GALNTL6: variants seen among roughly 807,000 people sequenced by gnomAD.
GALNTL6 encodes the protein polypeptide N-acetylgalactosaminyltransferase like 6, also known as polypeptide N-acetylgalactosaminyltransferase-like 6.
GALNTL6 carries 46 observed loss-of-function variants against 73.7 expected under a neutral mutation model. The observed-to-expected ratio is 0.62, with a 90% CI of 0.49 to 0.80. The LOEUF is 0.80. Among genes scored for constraint, GALNTL6 ranks in the 30% least tolerant of loss-of-function variants. The pLI is 0.00. For missense variants in GALNTL6, 604 were observed against 755.0 expected (o/e 0.80, Z 2.34); for synonymous variants, 259 against 263.7 (o/e 0.98, Z 0.17).
chr4:172,357,112 A>G (rs1367068969), intron 5 of GALNTL6, among the ~76,000 whole-genome samples: 3 of 152,142 alleles, frequency 2.0e-5, no homozygotes, highest in Admixed American at 6.5e-5. Context: ...CAGTCTCCAT[A>G]ATGGCCTTCC....
Position 172,638,986 on chromosome 4 carries a change from T to G in GALNTL6, c.554-170375T>G, listed in dbSNP as rs185794597. Among the ~76,000 whole-genome samples, 9 of 152,214 alleles carry G rather than the reference T, an allele frequency of 5.9e-5. 1 individual carries two copies. Among genetic ancestry groups the G allele is most frequent in the Admixed American group, 2.0e-4 (3 of 15,264 alleles). Reference sequence around the variant, plus strand: ...ATTTTTCAAAATAATACCACAGAAGTGGCGCGCCCTTCTCAATGCATCATA... The same window carrying G: ...ATTTTTCAAAATAATACCACAGAAGGGGCGCGCCCTTCTCAATGCATCATA... On this transcript the variant is annotated intron_variant, in intron 5 of 12. Transcript: ENST00000506823.
intron 5 of GALNTL6, among the ~76,000 whole-genome samples, chr4:172,362,497 T>C (rs1197656386): frequency 6.6e-6 from 1 of 152,120 alleles, no homozygotes; most frequent in Non-Finnish European, 1.5e-5. Flanking sequence ...CTATGGGCTT[T>C]TCCTTGGGCT....
At chr4:172,452,838 T>C (rs1244871579) in intron 5 of GALNTL6, among the ~76,000 whole-genome samples, 1 of 152,190 alleles carries the variant, frequency 6.6e-6, no homozygotes, top group Non-Finnish European at 1.5e-5. Flanking sequence ...CAAAACATTC[T>C]GGAAGAAAAA....
At chr4:172,061,248 T>A (rs1328706060) in intron 2 of GALNTL6, among the ~76,000 whole-genome samples, 3 of 152,088 alleles carry the variant, frequency 2.0e-5, no homozygotes, top group Non-Finnish European at 4.4e-5. Context: ...TCACCTCCTT[T>A]CAATCTGACT....
intron 2 of GALNTL6, among the ~76,000 whole-genome samples, chr4:171,818,014 T>A (rs983626239): frequency 1.3e-5 from 2 of 151,670 alleles, no homozygotes; most frequent in African/African-American, 2.4e-5. Context: ...ATCTCCTTTA[T>A]GTCATTTAGA....
At chr4:172,174,751 G>T (rs1734938993) in intron 2 of GALNTL6, among the ~76,000 whole-genome samples, 1 of 152,070 alleles carries the variant, frequency 6.6e-6, no homozygotes, top group African/African-American at 2.4e-5. Context: ...TTAAACTAAG[G>T]AGACAGAGTT....
chr4:172,615,270 C>G (rs750956739), intron 5 of GALNTL6, among the ~76,000 whole-genome samples: 27 of 151,028 alleles, frequency 1.8e-4, no homozygotes, highest in Non-Finnish European at 3.1e-4. Flanking sequence ...GAAACATGCT[C>G]CTGTTCTTTT....
chr4:172,623,466 A>G (rs1336132493), intron 5 of GALNTL6, among the ~76,000 whole-genome samples: 1 of 152,124 alleles, frequency 6.6e-6, no homozygotes, highest in Non-Finnish European at 1.5e-5. Flanking sequence ...ATAAAATAGA[A>G]ACTATCCAAA....
chr4:171,850,944 A>T (rs1735507915), intron 2 of GALNTL6, among the ~76,000 whole-genome samples: 1 of 152,096 alleles, frequency 6.6e-6, no homozygotes, highest in South Asian at 2.1e-4. Context: ...TAATTAGAGG[A>T]TATTATCCTA....
At chr4:172,576,250 G>A (rs1038279251) in intron 5 of GALNTL6, among the ~76,000 whole-genome samples, 13 of 152,238 alleles carry the variant, frequency 8.5e-5, no homozygotes, top group Admixed American at 8.5e-4. Context: ...ATGGGACCAG[G>A]AACCGGGGGA....
At chr4:172,335,201 T>C (rs1202768565) in intron 4 of GALNTL6, among the ~76,000 whole-genome samples, 1 of 152,092 alleles carries the variant, frequency 6.6e-6, no homozygotes, top group Non-Finnish European at 1.5e-5. Flanking sequence ...CCACCAATCA[T>C]ATGACTTTTG....
At chr4:173,034,086 C>A (rs1435315094) in intron 12 of GALNTL6, among the ~76,000 whole-genome samples, 1 of 152,174 alleles carries the variant, frequency 6.6e-6, no homozygotes, top group Non-Finnish European at 1.5e-5. Flanking sequence ...ACATCCACCT[C>A]CTCCCTCTAC....
At position 171,814,520 on chromosome 4, in the gene GALNTL6, A is replaced by C; in HGVS notation, c.-61A>C. The C allele has an allele frequency of 6.3e-7, 1 of 1,580,038 alleles. No individual in the cohort carries two copies. The highest frequency in any genetic ancestry group is 1.4e-5 in the African/African-American group (1 of 73,446). ...GGGGAGAGGAAAGGAATTTGACATT[A>C]AACACAAGAAGCAGTCAGGGAGCCA... is the stretch of plus-strand genomic sequence containing the variant. On this transcript the variant is annotated 5_prime_UTR_variant, in exon 2 of 13. Coordinates refer to ENST00000506823, the MANE Select transcript of GALNTL6 (RefSeq NM_001034845.3).
chr4:172,513,835 G>A (rs185741908), intron 5 of GALNTL6, among the ~76,000 whole-genome samples: 1 of 152,190 alleles, frequency 6.6e-6, no homozygotes, highest in Non-Finnish European at 1.5e-5. Context: ...GGTGGACTCT[G>A]TGTGGGACCT....
intron 10 of GALNTL6, among the ~76,000 whole-genome samples, chr4:172,962,258 G>GTA (rs956605794): frequency 2.0e-5 from 3 of 152,220 alleles, no homozygotes; most frequent in Admixed American, 6.5e-5. Context: ...ATCTGGATGT[G>GTA]TACGTGCAGG....
intron 7 of GALNTL6, among the ~76,000 whole-genome samples, chr4:172,854,917 TAAAATAACAGTAGGTGGC>T (rs1358948600): frequency 1.3e-5 from 2 of 152,150 alleles, no homozygotes; most frequent in South Asian, 2.1e-4. Flanking sequence ...TAGTAGGTGG[TAAAATAACAGTAGGTGGC>T]AAAATAACAG....
At chr4:172,676,412 G>A (rs530029916) in intron 5 of GALNTL6, among the ~76,000 whole-genome samples, 17 of 152,212 alleles carry the variant, frequency 1.1e-4, no homozygotes, top group African/African-American at 4.1e-4. Context: ...AATATTTCTT[G>A]TTCTAAGGAT....
At chr4:172,126,563 C>T (rs976056467) in intron 2 of GALNTL6, among the ~76,000 whole-genome samples, 4 of 152,140 alleles carry the variant, frequency 2.6e-5, no homozygotes, top group African/African-American at 4.8e-5. Flanking sequence ...AGCGGCTCCC[C>T]AGTGTGGGCA....
rs537000490 is a variant in GALNTL6, at chr4:172,634,310, A to C, written c.554-175051A>C. Among the ~76,000 whole-genome samples, 196 of 152,332 alleles carry C rather than the reference A, an allele frequency of 1.3e-3. 1 individual carries two copies. The highest frequency in any genetic ancestry group is 2.2e-3 in the Non-Finnish European group (153 of 68,026). On this transcript the variant is annotated intron_variant, in intron 5 of 12. Transcript: ENST00000506823. The stretch of plus-strand genomic sequence containing the variant: ...TGCAAATGAAACATGGCTCAAAGAC[A>C]TGTTTTTTATGGTCCACACAGTAGC...
Sources: allele counts gnomAD v4.1 joint callset (sites outside exome capture counted in the v4.1 genomes callset), GRCh38; gene constraint gnomAD v4.1.1; transcripts MANE v1.5; gene names NCBI Gene and HGNC (gene_info 2026-07-23, HGNC 2026-07-21).